Variants in NEMP2 observed in about 807,000 individuals in gnomAD.
NEMP2 encodes the protein UPF0571 transmembrane protein.
Under a neutral mutation model 54.2 loss-of-function variants are expected in NEMP2, and 53 were observed. That is an observed-to-expected ratio of 0.98 (90% confidence interval 0.78 to 1.23). The LOEUF is 1.23. Among genes scored for constraint, NEMP2 ranks in the 50% most tolerant of loss-of-function variants. NEMP2 has a pLI of 0.00. For synonymous variants in NEMP2, 197 were observed against 190.3 expected (o/e 1.04, Z -0.29); for missense variants, 455 against 511.3 (o/e 0.89, Z 1.06).
chr2:190,523,777 T>A lies in NEMP2; in HGVS notation c.213+1486A>T, dbSNP rs1329928117. 6.6e-6 allele frequency among the ~76,000 whole-genome samples: 1 copy of A among 152,152 alleles called. No individual in the cohort carries two copies. The highest frequency in any genetic ancestry group is 1.5e-5 in the Non-Finnish European group (1 of 68,016). ...GGCTAAATCTAGGACAATTTGAGTA[T>A]CAAAATAAATAATGAGAGTAATGGA... On this transcript the variant is annotated intron_variant, in intron 2 of 8. Transcript: ENST00000409150. The surrounding 1 kb of genome is among the most constrained non-coding windows in gnomAD (Gnocchi z 5.3).
chr2:190,476,370 A>C, the NEMP2 span, among the ~76,000 whole-genome samples: 10 of 152,226 alleles, frequency 6.6e-5, no homozygotes, highest in Admixed American at 5.9e-4. Flanking sequence ...AGAAAAAAAC[A>C]ACCCCATCAA....
chr2:190,585,210 CTT>C, the NEMP2 span, among the ~76,000 whole-genome samples: 1 of 152,200 alleles, frequency 6.6e-6, no homozygotes, highest in Non-Finnish European at 1.5e-5. The surrounding 1 kb of genome is among the most constrained non-coding windows in gnomAD (Gnocchi z 5.3). Flanking sequence ...CTAAATCTTT[CTT>C]TATCCTATTT....
At chr2:190,576,833 A>G in the NEMP2 span, among the ~76,000 whole-genome samples, 2 of 152,228 alleles carry the variant, frequency 1.3e-5, no homozygotes, top group Non-Finnish European at 2.9e-5. Context: ...ATGGCAACGG[A>G]AAAACAGTGT....
chr2:190,499,690 G>GC, downstream of NEMP2: 1 of 895,792 alleles, frequency 1.1e-6, no homozygotes, highest in East Asian at 5.7e-5. This position sits in a 1 kb window ranked among gnomAD's most constrained non-coding sequence, Gnocchi z 6.0. Flanking sequence ...CCAGCGACTT[G>GC]CCACATGGCT....
At chr2:190,496,650 ATGTGTATATG>A in the NEMP2 span, among the ~76,000 whole-genome samples, 1 of 151,352 alleles carries the variant, frequency 6.6e-6, no homozygotes, top group Non-Finnish European at 1.5e-5. This position sits in a 1 kb window ranked among gnomAD's most constrained non-coding sequence, Gnocchi z 4.7. Flanking sequence ...ATATATGTAT[ATGTGTATATG>A]TGTGTGTATG....
chr2:190,574,778 TCCTTCCCTCCCTTCCCTC>T, the NEMP2 span, among the ~76,000 whole-genome samples: 428 of 105,660 alleles, frequency 4.1e-3, 1 homozygote, highest in African/African-American at 4.5e-3. Context: ...CTCCCTTCCC[TCCTTCCCTCCCTTCCCTC>T]CCTTCCCTCC....
At chr2:190,532,137 AG>A (rs1691166846) in intron 1 of NEMP2, among the ~76,000 whole-genome samples, 1 of 152,204 alleles carries the variant, frequency 6.6e-6, no homozygotes, top group Admixed American at 6.5e-5. Flanking sequence ...AAAACCAACA[AG>A]TCTTAACTTG....
the NEMP2 span, chr2:190,436,529 C>G: frequency 6.2e-7 from 1 of 1,614,246 alleles, no homozygotes; most frequent in South Asian, 1.1e-5. The surrounding 1 kb of genome is among the most constrained non-coding windows in gnomAD (Gnocchi z 5.3). Flanking sequence ...CGCCCAACAA[C>G]TCACCCCACC....
At chr2:190,439,867 G>C in the NEMP2 span, among the ~76,000 whole-genome samples, 1 of 152,206 alleles carries the variant, frequency 6.6e-6, no homozygotes, top group Middle Eastern at 3.2e-3. This position sits in a 1 kb window ranked among gnomAD's most constrained non-coding sequence, Gnocchi z 5.8. Flanking sequence ...ATGAGAATAT[G>C]TCCACATACT....
the NEMP2 span, among the ~76,000 whole-genome samples, chr2:190,495,826 G>A: frequency 2.6e-5 from 4 of 152,114 alleles, no homozygotes; most frequent in Non-Finnish European, 4.4e-5. The surrounding 1 kb of genome is among the most constrained non-coding windows in gnomAD (Gnocchi z 4.7). Flanking sequence ...ATTTCTCACC[G>A]TATAAAAAAA....
chr2:190,593,117 T>G, the NEMP2 span, among the ~76,000 whole-genome samples: 1 of 152,208 alleles, frequency 6.6e-6, no homozygotes, highest in African/African-American at 2.4e-5. The surrounding 1 kb of genome is among the most constrained non-coding windows in gnomAD (Gnocchi z 4.5). Flanking sequence ...TCTTATGCTA[T>G]CTCAGGCAAA....
At chr2:190,428,096 CAT>C in the NEMP2 span, among the ~76,000 whole-genome samples, 3 of 152,318 alleles carry the variant, frequency 2.0e-5, no homozygotes, top group East Asian at 3.9e-4. Context: ...TAAGTGGAAT[CAT>C]GTGTTCAGTG....
the NEMP2 span, among the ~76,000 whole-genome samples, chr2:190,613,244 C>T: frequency 2.6e-5 from 4 of 152,170 alleles, no homozygotes; most frequent in South Asian, 8.3e-4. Flanking sequence ...TTCTTTATGT[C>T]TGTGGAATAG....
At chr2:190,433,907 GAGGC>G in the NEMP2 span, among the ~76,000 whole-genome samples, 5 of 152,136 alleles carry the variant, frequency 3.3e-5, no homozygotes, top group African/African-American at 7.2e-5. This position sits in a 1 kb window ranked among gnomAD's most constrained non-coding sequence, Gnocchi z 4.5. Context: ...AAAGTGAAAG[GAGGC>G]AGGGTGCAGT....
At chr2:190,627,864 A>G in the NEMP2 span, 43 of 152,290 alleles carry the variant, frequency 2.8e-4, 1 homozygote, top group Admixed American at 2.7e-3. The surrounding 1 kb of genome is among the most constrained non-coding windows in gnomAD (Gnocchi z 4.4). Context: ...AGCCAGAAAT[A>G]GATTCAAACG....
the NEMP2 span, among the ~76,000 whole-genome samples, chr2:190,567,142 G>T: frequency 1.2e-4 from 18 of 152,012 alleles, no homozygotes; most frequent in East Asian, 2.5e-3. The surrounding 1 kb of genome is among the most constrained non-coding windows in gnomAD (Gnocchi z 4.0). Context: ...GATGATAAAA[G>T]AACAATTAGA....
chr2:190,627,057 A>T, the NEMP2 span, among the ~76,000 whole-genome samples: 37 of 152,276 alleles, frequency 2.4e-4, no homozygotes, highest in African/African-American at 7.5e-4. This position sits in a 1 kb window ranked among gnomAD's most constrained non-coding sequence, Gnocchi z 4.4. Context: ...TGTCACACTG[A>T]TCTCTAAGGC....
the NEMP2 span, among the ~76,000 whole-genome samples, chr2:190,431,651 A>G: frequency 1.3e-5 from 2 of 152,198 alleles, no homozygotes; most frequent in African/African-American, 4.8e-5. The surrounding 1 kb of genome is among the most constrained non-coding windows in gnomAD (Gnocchi z 4.4). Flanking sequence ...CCGAGATGGC[A>G]GCAGTACAGT....
rs1455009420 is a variant in NEMP2, at chr2:190,507,118, C to T, written c.*2071G>A. 6.6e-6 allele frequency: 1 copy of T among 152,210 alleles called. No individual in the cohort carries two copies. Among genetic ancestry groups the T allele is most frequent in the Non-Finnish European group, 1.5e-5 (1 of 68,032 alleles). The allele number at this position is 152,210 out of a possible 1,614,324, so 9.4% of individuals were successfully genotyped here. A position where few individuals can be genotyped will look rare whatever the true frequency, so the allele number is the denominator to read the frequency against. On this transcript the variant is annotated 3_prime_UTR_variant, in exon 9 of 9. Transcript: ENST00000409150. This position sits in a 1 kb window ranked among gnomAD's most constrained non-coding sequence, Gnocchi z 4.4. ...ATCAAATGAAAACAACATAAATACACTAAAAATATCACAAGTAATGCTTCT... is the reference window on the plus strand; with the variant it reads ...ATCAAATGAAAACAACATAAATACATTAAAAATATCACAAGTAATGCTTCT...
Sources: gnomAD v4.1 joint callset for allele counts (sites outside exome capture counted in the v4.1 genomes callset) on GRCh38, gnomAD v4.1.1 for gene constraint, Gnocchi (gnomAD v3.1) non-coding constraint, MANE v1.5 for transcripts, NCBI Gene and HGNC (gene_info 2026-07-23, HGNC 2026-07-21) for gene names.